The following SMOC2 variants were observed in gnomAD, a reference collection of about 807,000 sequenced individuals.
SMOC2 encodes SPARC related modular calcium binding 2.
In SMOC2, 39 loss-of-function variants were observed where a neutral mutation model predicts 61.4. The observed-to-expected ratio is 0.64, with a 90% CI of 0.49 to 0.83. The LOEUF (loss-of-function observed/expected upper bound fraction) is 0.83. Ranked by LOEUF, SMOC2 falls within the 40% of genes least tolerant of loss-of-function variation. The pLI, the probability that SMOC2 is intolerant of heterozygous loss-of-function variation, is 0.00. For synonymous variants in SMOC2, 247 were observed against 239.9 expected, an observed-to-expected ratio of 1.03 and a Z score of -0.27; for missense variants, 556 against 592.9, an observed-to-expected ratio of 0.94 and a Z score of 0.65.
chr6:168,477,012 C>T (rs899026788), intron 1 of SMOC2, among the ~76,000 whole-genome samples: 1 of 152,204 alleles, frequency 6.6e-6, no homozygotes, highest in African/African-American at 2.4e-5. Context: ...ACCAATGGTT[C>T]CAAACCTTTA....
chr6:168,512,494 A>C (rs1471940335), intron 2 of SMOC2, among the ~76,000 whole-genome samples: 15 of 152,220 alleles, frequency 9.9e-5, no homozygotes, highest in Admixed American at 8.5e-4. Flanking sequence ...ATTAACCTCA[A>C]TATGCTACTG....
In SMOC2 at chr6:168,558,661, G is replaced by A. The variant is rs190640715; in HGVS notation, c.637+9458G>A. On this transcript the variant is annotated intron_variant, in intron 7 of 12. Coordinates refer to ENST00000356284, the MANE Select transcript of SMOC2 (RefSeq NM_001166412.2). The stretch of plus-strand genomic sequence containing the variant: ...CAGTGTCCACTTGGTGTCTAGGAAT[G>A]GAATTAACTTCCAGGTGTGCACATC... 3.3e-3 allele frequency among the ~76,000 whole-genome samples: 499 copies of A among 152,364 alleles called. 3 individuals carry two copies. The highest frequency in any genetic ancestry group is 4.1e-3 in the Non-Finnish European group (281 of 68,042).
chr6:168,546,940 T>G, intron 5 of SMOC2, 179 bp from the exon 6 acceptor site: 1 of 737,536 alleles, frequency 1.4e-6, no homozygotes, highest in Non-Finnish European at 2.4e-6. Context: ...CACTCAAGAC[T>G]GGTATAGTCA....
At chr6:168,572,928 TCCC>T (rs1784700960) in intron 7 of SMOC2, among the ~76,000 whole-genome samples, 2 of 97,838 alleles carry the variant, frequency 2.0e-5, no homozygotes, top group Admixed American at 9.1e-5. Flanking sequence ...CCTCCCCGCA[TCCC>T]CTGGTGCCGG....
At chr6:168,582,864 C>T (rs1784952326) in intron 7 of SMOC2, among the ~76,000 whole-genome samples, 1 of 152,166 alleles carries the variant, frequency 6.6e-6, no homozygotes, top group Admixed American at 6.5e-5. Flanking sequence ...CTGACAGTGG[C>T]CTTGCCCCTC....
intron 7 of SMOC2, among the ~76,000 whole-genome samples, chr6:168,560,214 A>G (rs1485299112): frequency 6.6e-6 from 1 of 152,234 alleles, no homozygotes; most frequent in Non-Finnish European, 1.5e-5. Context: ...TAGTATAGAC[A>G]TGGATCTCTC....
intron 9 of SMOC2, among the ~76,000 whole-genome samples, chr6:168,611,212 TCGGGCCTGGCTGTGGCTCC>T (rs1785852254): frequency 6.9e-6 from 1 of 145,232 alleles, no homozygotes; most frequent in Admixed American, 6.8e-5. Context: ...GGCTCCCGTG[TCGGGCCTGGCTGTGGCTCC>T]CATGTCTGGC....
rs879702883 is a variant in SMOC2 at position 168,599,196 on chromosome 6, C to CCA, written c.824+202_824+203dup. ...TCACACACACCCACACACACTCATA[C>CCA]CACACACACACTCATACCCACACAC... On this transcript the variant is annotated intron_variant, in intron 8 of 12. Transcript: ENST00000356284. Among the ~76,000 whole-genome samples the CCA allele has an allele frequency of 4.9e-5, 7 of 141,598 alleles. No homozygotes were observed. The East Asian group carries it at 1.1e-3, about 22-fold the overall frequency. 92.9% of individuals were successfully genotyped at this position (141,598 alleles called of 152,430 possible). A position where few individuals can be genotyped will look rare whatever the true frequency, so the allele number is the denominator to read the frequency against.
At chr6:168,639,603 C>A (rs1229328301) in intron 9 of SMOC2, among the ~76,000 whole-genome samples, 1 of 152,058 alleles carries the variant, frequency 6.6e-6, no homozygotes, top group Non-Finnish European at 1.5e-5. Flanking sequence ...GAACTTATTC[C>A]TTTTATCTAA....
rs56847579 is a variant in SMOC2, at chr6:168,665,078, G to A, written c.1323+967G>A. Reference sequence around the variant, plus strand: ...TATGGTTTTAACTTTAAATCTCACCGCAAATCACTTACACTTGAAAACAGG... The same window carrying A: ...TATGGTTTTAACTTTAAATCTCACCACAAATCACTTACACTTGAAAACAGG... On this transcript the variant is annotated intron_variant, in intron 12 of 12. Transcript: ENST00000356284. The A allele has an allele frequency of 6.2e-4, 177 of 283,222 alleles. 1 individual carries two copies. The East Asian group carries it at 9.9e-3, about 16-fold the overall frequency. The allele number at this position is 283,222 out of a possible 1,614,324, so 17.5% of individuals were successfully genotyped here. A position where few individuals can be genotyped will look rare whatever the true frequency, so the allele number is the denominator to read the frequency against.
Position 168,599,236 on chromosome 6 carries a change from TCACA to T in SMOC2, c.824+238_824+241del, listed in dbSNP as rs766969853. On this transcript the variant is annotated intron_variant, in intron 8 of 12. Coordinates refer to ENST00000356284, the MANE Select transcript of SMOC2 (RefSeq NM_001166412.2). ...TACCCACACACACCCATGGTCTCTC[TCACA>T]CACACCCACACACATACCCACACAC... is the stretch of plus-strand genomic sequence containing the variant. Among the ~76,000 whole-genome samples, 130 of 77,048 alleles carry T rather than the reference TCACA, an allele frequency of 1.7e-3. 1 individual carries two copies. Among genetic ancestry groups the T allele is most frequent in the African/African-American group, 5.4e-3 (122 of 22,556 alleles). The allele number at this position is 77,048 out of a possible 152,430, so 50.5% of individuals were successfully genotyped here. A position where few individuals can be genotyped will look rare whatever the true frequency, so the allele number is the denominator to read the frequency against.
At chr6:168,633,032 G>T (rs1562394881) in intron 9 of SMOC2, among the ~76,000 whole-genome samples, 1 of 152,174 alleles carries the variant, frequency 6.6e-6, no homozygotes, top group Non-Finnish European at 1.5e-5. Context: ...AGCCACAGGA[G>T]TTCACTCTCT....
Position 168,599,310 on chromosome 6 carries a change from C to CA in SMOC2, c.824+306_824+307insA, listed in dbSNP as rs536892801. ...CACACACACACATACCACACACACA[C>CA]CCCCACACTGTTTCACACACACTCA... is the stretch of plus-strand genomic sequence containing the variant. On this transcript the variant is annotated intron_variant, in intron 8 of 12. Coordinates refer to ENST00000356284, the MANE Select transcript of SMOC2 (RefSeq NM_001166412.2). Among the ~76,000 whole-genome samples the CA allele has an allele frequency of 5.2e-3, 698 of 134,970 alleles. 5 individuals are homozygous for CA. The highest frequency in any genetic ancestry group is 8.2e-3 in the Non-Finnish European group (504 of 61,830). 88.5% of individuals were successfully genotyped at this position (134,970 alleles called of 152,430 possible).
intron 4 of SMOC2, among the ~76,000 whole-genome samples, chr6:168,531,474 C>A (rs1179545170): frequency 1.3e-5 from 2 of 152,138 alleles, no homozygotes; most frequent in African/African-American, 4.8e-5. Flanking sequence ...GGGAATGGGA[C>A]CAGATGCTTA....
intron 7 of SMOC2, among the ~76,000 whole-genome samples, chr6:168,570,784 T>C (rs1318877883): frequency 6.6e-6 from 1 of 152,244 alleles, no homozygotes; most frequent in African/African-American, 2.4e-5. Flanking sequence ...TTTTAAGCAT[T>C]CTGTGATGGA....
At chr6:168,595,140 CAAG>C (rs1469036253) in intron 7 of SMOC2, among the ~76,000 whole-genome samples, 5 of 147,786 alleles carry the variant, frequency 3.4e-5, no homozygotes, top group African/African-American at 1.3e-4. Context: ...TAAGGCCTCA[CAAG>C]GGGCATCTTT....
intron 1 of SMOC2, among the ~76,000 whole-genome samples, chr6:168,480,817 G>A (rs572309170): frequency 6.6e-6 from 1 of 152,310 alleles, no homozygotes; most frequent in South Asian, 2.1e-4. Flanking sequence ...AAAGCAGAAA[G>A]AGAGAAGTAG....
At chr6:168,482,223 G>A (rs1417678085) in intron 1 of SMOC2, among the ~76,000 whole-genome samples, 1 of 151,584 alleles carries the variant, frequency 6.6e-6, no homozygotes, top group Admixed American at 6.6e-5. Context: ...GAAAAAGAAA[G>A]AAATAAAAGT....
chr6:168,624,950 TGCACTC>T (rs1417698683), intron 9 of SMOC2, among the ~76,000 whole-genome samples: 1 of 150,820 alleles, frequency 6.6e-6, no homozygotes, highest in African/African-American at 2.4e-5. Context: ...CACAAACACA[TGCACTC>T]ACACAGACAC....
Sources: gnomAD v4.1 joint callset for allele counts (sites outside exome capture counted in the v4.1 genomes callset) on GRCh38, gnomAD v4.1.1 for gene constraint, MANE v1.5 for transcripts, NCBI Gene and HGNC (gene_info 2026-07-23, HGNC 2026-07-21) for gene names.